The following CCSER1 variants were observed in gnomAD, a reference collection of about 807,000 sequenced individuals.
CCSER1 encodes the protein coiled-coil serine rich protein 1.
In CCSER1, 41 loss-of-function variants were observed where a neutral mutation model predicts 82.0. The observed-to-expected ratio is 0.50, with a 90% CI of 0.39 to 0.65. The LOEUF (loss-of-function observed/expected upper bound fraction) is 0.65, where lower values mean the gene tolerates loss of function less well. CCSER1 is among the 30% of genes least tolerant of loss of function. The pLI is 0.00. For synonymous variants in CCSER1, 414 were observed against 383.9 expected (o/e 1.08, Z -0.92); for missense variants, 1,119 against 1,064.2 (o/e 1.05, Z -0.72).
At chr4:91,358,215 A>G (rs12498453) in intron 10 of CCSER1, among the ~76,000 whole-genome samples, 117,385 of 151,530 alleles carry the variant, frequency 0.77, 46,268 homozygotes, top group East Asian at 0.92. Context: ...AAGGGGGTCT[A>G]AAACCAGCTG....
intron 5 of CCSER1, among the ~76,000 whole-genome samples, chr4:90,530,283 T>A (rs140687239): frequency 6.6e-6 from 1 of 152,180 alleles, no homozygotes; most frequent in African/African-American, 2.4e-5. Flanking sequence ...ATTAACACTC[T>A]TATAGTTTTC....
At chr4:90,668,561 A>C (rs907551670) in intron 6 of CCSER1, among the ~76,000 whole-genome samples, 1 of 152,266 alleles carries the variant, frequency 6.6e-6, no homozygotes, top group Non-Finnish European at 1.5e-5. Context: ...TTATATGCTG[A>C]GCTTTGATAA....
Position 91,102,861 on chromosome 4 carries a change from C to T in CCSER1, c.2217+16867C>T, listed in dbSNP as rs1725218957. On this transcript the variant is annotated intron_variant, in intron 10 of 10. Coordinates refer to ENST00000509176, the MANE Select transcript of CCSER1 (RefSeq NM_001145065.2). ...ATTCATATCCAAATGAGGTTGAACT[C>T]TTATGATTCCCTTCTTAATTACAAA... Among the ~76,000 whole-genome samples the T allele has an allele frequency of 1.3e-5, 2 of 152,158 alleles. 1 individual carries two copies. The highest frequency in any genetic ancestry group is 4.8e-5 in the African/African-American group (2 of 41,428).
intron 4 of CCSER1, among the ~76,000 whole-genome samples, chr4:90,407,390 C>T (rs1198342842): frequency 6.6e-6 from 1 of 152,092 alleles, no homozygotes; most frequent in Non-Finnish European, 1.5e-5. Context: ...AAGTTTAGGA[C>T]CAGATGGATT....
chr4:91,544,248 C>T (rs1344628432), intron 10 of CCSER1, among the ~76,000 whole-genome samples: 1 of 152,132 alleles, frequency 6.6e-6, no homozygotes, highest in African/African-American at 2.4e-5. Context: ...TGGGTCCGAA[C>T]ATCCTCCTTT....
chr4:90,556,151 A>G (rs528606978), intron 5 of CCSER1, among the ~76,000 whole-genome samples: 54 of 152,294 alleles, frequency 3.5e-4, no homozygotes, highest in Non-Finnish European at 2.9e-5. Flanking sequence ...CATTAGGCCC[A>G]TGGATCACCA....
chr4:90,767,400 CAGTT>C (rs1434199639), intron 7 of CCSER1, among the ~76,000 whole-genome samples: 5 of 151,954 alleles, frequency 3.3e-5, no homozygotes, highest in African/African-American at 1.2e-4. Context: ...TTGGTTTAAA[CAGTT>C]AGTTGCTCTA....
rs190124256 is a variant in CCSER1, at chr4:90,549,464, T to A, written c.1725-78561T>A. On this transcript the variant is annotated intron_variant, in intron 5 of 10. Transcript: ENST00000509176. ...TTAGGGTAGTCATGAAAATAGAGTA[T>A]TTCAGGTGATCATTCATGGCACTGT... Among the ~76,000 whole-genome samples, 299 of 151,952 alleles carry A rather than the reference T, an allele frequency of 2.0e-3. 1 individual carries two copies. The highest frequency in any genetic ancestry group is 3.5e-3 in the South Asian group (17 of 4,820).
At chr4:90,140,826 G>A (rs533171600) in intron 1 of CCSER1, among the ~76,000 whole-genome samples, 15 of 151,522 alleles carry the variant, frequency 9.9e-5, no homozygotes, top group Admixed American at 3.3e-4. Context: ...CACCAAGCCC[G>A]GCTAATTTTT....
At chr4:90,351,713 AACAC>A (rs567684134) in intron 3 of CCSER1, among the ~76,000 whole-genome samples, 17 of 152,340 alleles carry the variant, frequency 1.1e-4, no homozygotes, top group South Asian at 8.3e-4. Flanking sequence ...GTAGTAATGA[AACAC>A]ACACACATTC....
intron 10 of CCSER1, among the ~76,000 whole-genome samples, chr4:91,360,465 CTG>C (rs1244246317): frequency 6.6e-6 from 1 of 151,704 alleles, no homozygotes; most frequent in African/African-American, 2.4e-5. Context: ...AAGAAAAAAT[CTG>C]AGTACATTAT....
intron 3 of CCSER1, among the ~76,000 whole-genome samples, chr4:90,396,626 A>G (rs1457883005): frequency 2.0e-5 from 3 of 152,066 alleles, no homozygotes; most frequent in African/African-American, 7.2e-5. Flanking sequence ...CTATTTAGTC[A>G]TACTGATTAC....
intron 1 of CCSER1, among the ~76,000 whole-genome samples, chr4:90,227,767 A>G (rs897214360): frequency 1.8e-4 from 27 of 152,156 alleles, no homozygotes; most frequent in Non-Finnish European, 7.3e-5. Context: ...GGGTGCGCGC[A>G]CCATGCACGA....
chr4:91,571,450 A>G (rs1763178100), intron 10 of CCSER1, among the ~76,000 whole-genome samples: 1 of 152,198 alleles, frequency 6.6e-6, no homozygotes, highest in Non-Finnish European at 1.5e-5. Flanking sequence ...GATTTAATTG[A>G]CTTACAGTTT....
chr4:91,367,434 CTT>C (rs70965489), intron 10 of CCSER1, among the ~76,000 whole-genome samples: 9 of 141,998 alleles, frequency 6.3e-5, no homozygotes, highest in Non-Finnish European at 9.1e-5. Context: ...TGATTTCTTT[CTT>C]TTTTTTTTTT....
chr4:90,367,654 CAGAA>C (rs930609707), intron 3 of CCSER1, among the ~76,000 whole-genome samples: 5 of 151,390 alleles, frequency 3.3e-5, no homozygotes, highest in South Asian at 2.1e-4. Context: ...AAAAATGAAA[CAGAA>C]AGACCTTTGC....
At chr4:90,324,829 T>C (rs1486723449) in intron 3 of CCSER1, among the ~76,000 whole-genome samples, 1 of 152,186 alleles carries the variant, frequency 6.6e-6, no homozygotes. Context: ...CTTTAATCCA[T>C]CTTGACTTAA....
chr4:90,492,365 C>G (rs539465424), intron 5 of CCSER1, among the ~76,000 whole-genome samples: 1 of 152,118 alleles, frequency 6.6e-6, no homozygotes, highest in East Asian at 1.9e-4. Context: ...GTGGTTATAT[C>G]CCCTTTAGCA....
At chr4:91,479,888 C>A (rs1017980437) in intron 10 of CCSER1, among the ~76,000 whole-genome samples, 1 of 125,422 alleles carries the variant, frequency 8.0e-6, no homozygotes, top group African/African-American at 3.0e-5. Flanking sequence ...GCTATCCCTA[C>A]CCCCTCCCCC....
Sources: allele counts gnomAD v4.1 joint callset (sites outside exome capture counted in the v4.1 genomes callset), GRCh38; gene constraint gnomAD v4.1.1; transcripts MANE v1.5; gene names NCBI Gene and HGNC (gene_info 2026-07-23, HGNC 2026-07-21).